SPRED2: variants seen among roughly 807,000 people sequenced by gnomAD.
SPRED2 encodes the protein sprouty related EVH1 domain containing 2.
In SPRED2, 47 loss-of-function variants were observed where a neutral mutation model predicts 43.0. The observed-to-expected ratio is 1.09, with a 90% CI of 0.87 to 1.40. SPRED2 has a LOEUF of 1.40. Ranked by LOEUF, SPRED2 falls within the 40% of genes most tolerant of loss-of-function variation. The probability of loss-of-function intolerance (pLI) is 0.00; values close to 1 mark genes in which losing one functional copy is unlikely to be tolerated. For synonymous variants in SPRED2, 225 were observed against 225.7 expected (o/e 1.00, Z 0.03); for missense variants, 561 against 586.4 (o/e 0.96, Z 0.45).
chr2:65,346,394 T>C (rs1055364334), intron 1 of SPRED2, among the ~76,000 whole-genome samples: 1 of 152,104 alleles, frequency 6.6e-6, no homozygotes, highest in Non-Finnish European at 1.5e-5. Context: ...TTTTTAAGTA[T>C]ACAAGTTCAG....
At chr2:65,334,185 G>A in intron 3 of SPRED2, 1 of 471,502 alleles carries the variant, frequency 2.1e-6, no homozygotes, top group South Asian at 1.5e-5. Context: ...AGTGGCAGCT[G>A]TACACCCTGG....
chr2:65,365,661 G>C (rs1674950697), intron 1 of SPRED2, among the ~76,000 whole-genome samples: 1 of 152,178 alleles, frequency 6.6e-6, no homozygotes, highest in South Asian at 2.1e-4. Flanking sequence ...ATTCTGGACA[G>C]ACAGACCAGG....
chr2:65,311,253 A>G lies in SPRED2; in HGVS notation c.*2248T>C. ...ACACACTGTTCAGCTGCAGTGTGGC[A>G]ATTAGAGACGTATTTACATAAATGT... On this transcript the variant is annotated 3_prime_UTR_variant, in exon 6 of 6. Coordinates refer to ENST00000356388, the MANE Select transcript of SPRED2 (RefSeq NM_181784.3). 6 of 985,918 alleles carry G rather than the reference A, an allele frequency of 6.1e-6. No individual in the cohort carries two copies. The highest frequency in any genetic ancestry group is 7.2e-6 in the Non-Finnish European group (6 of 829,944). The allele number at this position is 985,918 out of a possible 1,614,324, so 61.1% of individuals were successfully genotyped here. A position where few individuals can be genotyped will look rare whatever the true frequency, so the allele number is the denominator to read the frequency against.
chr2:65,379,989 C>G (rs140491420), intron 1 of SPRED2, among the ~76,000 whole-genome samples: 1 of 152,142 alleles, frequency 6.6e-6, no homozygotes, highest in Non-Finnish European at 1.5e-5. Context: ...CTGCTCTGTC[C>G]GTGGCACTAT....
intron 1 of SPRED2, 76 bp from the exon 2 acceptor site, chr2:65,344,972 T>C: frequency 7.0e-7 from 1 of 1,420,802 alleles, no homozygotes; most frequent in Non-Finnish European, 9.5e-7. Context: ...AAATGCAAGA[T>C]GACCACCAGC....
chr2:65,319,991 G>A (rs1354069756), intron 4 of SPRED2, among the ~76,000 whole-genome samples: 1 of 152,130 alleles, frequency 6.6e-6, no homozygotes, highest in African/African-American at 2.4e-5. Context: ...GTATTTTGTT[G>A]AGATTAACAC....
chr2:65,372,363 G>T (rs550383340), intron 1 of SPRED2, among the ~76,000 whole-genome samples: 6 of 152,288 alleles, frequency 3.9e-5, no homozygotes, highest in African/African-American at 1.4e-4. Context: ...GAGAGAGGAA[G>T]AATCCAAAAT....
At chr2:65,315,943 C>A (rs893247629) in intron 5 of SPRED2, among the ~76,000 whole-genome samples, 1 of 152,244 alleles carries the variant, frequency 6.6e-6, no homozygotes, top group Admixed American at 6.5e-5. Context: ...CAGGCATGAG[C>A]CACTGCACCT....
At chr2:65,321,294 C>T (rs907109808) in intron 4 of SPRED2, among the ~76,000 whole-genome samples, 4 of 152,090 alleles carry the variant, frequency 2.6e-5, no homozygotes, top group African/African-American at 7.2e-5. Flanking sequence ...GCAGGGAGCA[C>T]AGCCCTTGCC....
chr2:65,338,616 C>A (rs1674057165), intron 2 of SPRED2, among the ~76,000 whole-genome samples: 3 of 151,348 alleles, frequency 2.0e-5, no homozygotes, highest in Non-Finnish European at 4.4e-5. Context: ...GGTGCCCAGG[C>A]TGGAGTGCAG....
intron 1 of SPRED2, among the ~76,000 whole-genome samples, chr2:65,369,541 A>G (rs1371130365): frequency 6.6e-6 from 1 of 152,256 alleles, no homozygotes; most frequent in Non-Finnish European, 1.5e-5. Flanking sequence ...AAAGGCATCA[A>G]AACATGGTTC....
intron 4 of SPRED2, among the ~76,000 whole-genome samples, chr2:65,330,910 G>A (rs1673792971): frequency 6.6e-6 from 1 of 152,052 alleles, no homozygotes; most frequent in Non-Finnish European, 1.5e-5. Flanking sequence ...TTAGGTGTAC[G>A]GTATGCAGGC....
chr2:65,390,853 A>G (rs1339856333), intron 1 of SPRED2, among the ~76,000 whole-genome samples: 2 of 152,120 alleles, frequency 1.3e-5, no homozygotes, highest in Non-Finnish European at 2.9e-5. Flanking sequence ...TGGGAGGCCA[A>G]GGTAGTGGAT....
chr2:65,363,363 G>T (rs534904827), intron 1 of SPRED2, among the ~76,000 whole-genome samples: 1 of 152,028 alleles, frequency 6.6e-6, no homozygotes. Context: ...ACATGTACCC[G>T]GAAGAATGTT....
chr2:65,420,757 G>A lies in SPRED2; in HGVS notation c.26+11205C>T, dbSNP rs566224256. Among the ~76,000 whole-genome samples, 3 of 152,254 alleles carry A rather than the reference G, an allele frequency of 2.0e-5. No homozygotes were observed. The East Asian group carries it at 5.8e-4, about 29-fold the overall frequency. Reference sequence around the variant, plus strand: ...CCGCTTAAGACTTCTGCTTAGGCACGTGGGGATTCCTGATAAGACCTAAAA... The same window carrying A: ...CCGCTTAAGACTTCTGCTTAGGCACATGGGGATTCCTGATAAGACCTAAAA... On this transcript the variant is annotated intron_variant, in intron 1 of 5. Coordinates refer to ENST00000356388, the MANE Select transcript of SPRED2 (RefSeq NM_181784.3).
chr2:65,361,683 T>A (rs1459529737), intron 1 of SPRED2, among the ~76,000 whole-genome samples: 3 of 152,252 alleles, frequency 2.0e-5, no homozygotes, highest in Non-Finnish European at 2.9e-5. Context: ...CGATGTTTTT[T>A]AATATTACTC....
chr2:65,324,641 C>T (rs1040382812), intron 4 of SPRED2, among the ~76,000 whole-genome samples: 34 of 152,182 alleles, frequency 2.2e-4, no homozygotes, highest in Non-Finnish European at 2.1e-4. Context: ...GCAGCTCACA[C>T]GCCCTGGGTC....
chr2:65,406,864 C>T (rs1676036116), intron 1 of SPRED2, among the ~76,000 whole-genome samples: 1 of 152,138 alleles, frequency 6.6e-6, no homozygotes, highest in African/African-American at 2.4e-5. Flanking sequence ...CTCCATCAAG[C>T]TGCCTGCCTT....
chr2:65,363,165 G>A lies in SPRED2; in HGVS notation c.27-18269C>T, dbSNP rs574973904. On this transcript the variant is annotated intron_variant, in intron 1 of 5. Transcript: ENST00000356388. ...GAGGCAGGAGAATCACTTGAACTTG[G>A]GAGGCGTAGGTTGCAGTGAGCCGAG... 3.4e-5 allele frequency among the ~76,000 whole-genome samples: 5 copies of A among 149,022 alleles called. No homozygotes were observed. In the South Asian group the frequency reaches 8.5e-4, roughly 25 times the overall value.
Sources: gnomAD v4.1 joint callset for allele counts (sites outside exome capture counted in the v4.1 genomes callset) on GRCh38, gnomAD v4.1.1 for gene constraint, MANE v1.5 for transcripts, NCBI Gene and HGNC (gene_info 2026-07-23, HGNC 2026-07-21) for gene names.